RC3H1: variants seen among roughly 807,000 people sequenced by gnomAD.
RC3H1 encodes the protein ring finger and CCCH-type domains 1.
RC3H1 carries 50 observed loss-of-function variants against 138.2 expected under a neutral mutation model. That is an observed-to-expected ratio of 0.36 (90% CI 0.29 to 0.46). RC3H1 has a LOEUF of 0.46. RC3H1 is among the 20% of genes least tolerant of loss of function. The pLI, the probability that RC3H1 is intolerant of heterozygous loss-of-function variation, is 1.00. For synonymous variants in RC3H1, 462 were observed against 489.1 expected, an observed-to-expected ratio of 0.94 and a Z score of 0.73; for missense variants, 1,031 against 1,388.1, an observed-to-expected ratio of 0.74 and a Z score of 4.09.
chr1:173,943,688 C>G, intron 17 of RC3H1, 73 bp from the exon 18 acceptor site: 2 of 1,436,640 alleles, frequency 1.4e-6, no homozygotes, highest in South Asian at 2.9e-5. Flanking sequence ...AGGCTCAATT[C>G]CAGACCACAG....
chr1:173,973,190 G>T (rs1391227563), intron 7 of RC3H1, among the ~76,000 whole-genome samples: 2 of 152,150 alleles, frequency 1.3e-5, no homozygotes, highest in African/African-American at 4.8e-5. Flanking sequence ...TAGTCAATTT[G>T]CATGTTTATT....
chr1:173,995,603 T>C (rs958107500), intron 1 of RC3H1, among the ~76,000 whole-genome samples: 1 of 151,768 alleles, frequency 6.6e-6, no homozygotes, highest in East Asian at 1.9e-4. Context: ...TTCTAACTTA[T>C]ATGATGGTAT....
intron 1 of RC3H1, among the ~76,000 whole-genome samples, chr1:173,994,023 A>G (rs1256276974): frequency 1.9e-5 from 1 of 52,362 alleles, no homozygotes. Context: ...TCCATCTCAG[A>G]AAAAAAAAAA....
chr1:174,009,265 T>C (rs1436899205), intron 1 of RC3H1: 1 of 152,162 alleles, frequency 6.6e-6, no homozygotes, highest in Admixed American at 6.5e-5. Flanking sequence ...GTTAAGAACA[T>C]AGTTTGTCCT....
intron 1 of RC3H1, among the ~76,000 whole-genome samples, chr1:174,010,317 G>A (rs186353574): frequency 4.0e-5 from 6 of 151,744 alleles, no homozygotes; most frequent in African/African-American, 1.5e-4. Flanking sequence ...CATCTACTAC[G>A]TGCCAGTGTC....
chr1:173,981,577 T>C (rs552540241), intron 5 of RC3H1, among the ~76,000 whole-genome samples: 2 of 152,280 alleles, frequency 1.3e-5, no homozygotes, highest in South Asian at 2.1e-4. Context: ...AAAAACAATA[T>C]GTTTCTTCTC....
intron 1 of RC3H1, among the ~76,000 whole-genome samples, chr1:173,999,552 T>C (rs566973891): frequency 6.6e-6 from 1 of 152,220 alleles, no homozygotes; most frequent in South Asian, 2.1e-4. Flanking sequence ...AATAACTACA[T>C]ATTGTGAGCA....
rs1028056666 is a variant in RC3H1, at chr1:173,933,473, T to G, written c.*5248A>C. 1 of 152,154 alleles carries G rather than the reference T, an allele frequency of 6.6e-6. No individual in the cohort carries two copies. Among genetic ancestry groups the G allele is most frequent in the Non-Finnish European group, 1.5e-5 (1 of 67,982 alleles). 9.4% of individuals were successfully genotyped at this position (152,154 alleles called of 1,614,324 possible). Reference sequence around the variant, plus strand: ...CTTATCAATTATAATCTATTACTTGTGGAAAGATCTTTAGTGAACACAGAA... The same window carrying G: ...CTTATCAATTATAATCTATTACTTGGGGAAAGATCTTTAGTGAACACAGAA... On this transcript the variant is annotated 3_prime_UTR_variant, in exon 20 of 20. Coordinates refer to ENST00000367696, the MANE Select transcript of RC3H1 (RefSeq NM_172071.4).
At chr1:173,957,229 G>A (rs1401299121) in intron 13 of RC3H1, among the ~76,000 whole-genome samples, 2 of 152,024 alleles carry the variant, frequency 1.3e-5, no homozygotes, top group Admixed American at 6.6e-5. Flanking sequence ...TAATAAATAT[G>A]AATTATTTAC....
intron 13 of RC3H1, among the ~76,000 whole-genome samples, chr1:173,959,969 G>A (rs761236956): frequency 6.6e-5 from 10 of 151,570 alleles, no homozygotes; most frequent in South Asian, 6.2e-4. Context: ...ATAGTCGGGC[G>A]TGGTGGTGCG....
Position 173,947,610 on chromosome 1 carries a change from C to T in RC3H1, c.2524-28G>A, listed in dbSNP as rs114249959. ...GATAAAAAAGCAAAATGAGAAATTA[C>T]CCCACACTCAGATCGCTCTGTAACC... is the stretch of plus-strand genomic sequence containing the variant. On this transcript the variant is annotated intron_variant, in intron 14 of 19. Coordinates refer to ENST00000367696, the MANE Select transcript of RC3H1 (RefSeq NM_172071.4). 9 of 1,567,428 alleles carry T rather than the reference C, an allele frequency of 5.7e-6. No individual in the cohort carries two copies. In the African/African-American group the frequency reaches 9.4e-5, roughly 16 times the overall value.
At chr1:173,962,209 C>T in intron 11 of RC3H1, 114 bp from the exon 12 acceptor site, 2 of 1,041,790 alleles carry the variant, frequency 1.9e-6, no homozygotes, top group South Asian at 1.9e-5. Flanking sequence ...CTACTTATTT[C>T]TTTACGAGTT....
chr1:173,941,089 G>A (rs1658836438), intron 19 of RC3H1, among the ~76,000 whole-genome samples, 176 bp downstream of exon 19: 1 of 152,086 alleles, frequency 6.6e-6, no homozygotes, highest in Non-Finnish European at 1.5e-5. Flanking sequence ...CAAAATGCTG[G>A]ATTACAGGCG....
At chr1:173,939,691 C>T (rs376548620) in intron 19 of RC3H1, among the ~76,000 whole-genome samples, 22 of 151,684 alleles carry the variant, frequency 1.5e-4, no homozygotes, top group African/African-American at 4.4e-4. Flanking sequence ...AAAAACTAGC[C>T]GGGTGTGGTG....
intron 1 of RC3H1, among the ~76,000 whole-genome samples, chr1:174,001,100 T>C (rs1661557863): frequency 6.6e-6 from 1 of 152,052 alleles, no homozygotes; most frequent in Non-Finnish European, 1.5e-5. Context: ...GCTTGAAAAA[T>C]AGAACTTGAT....
At chr1:173,940,332 A>G (rs1228480510) in intron 19 of RC3H1, among the ~76,000 whole-genome samples, 3 of 152,046 alleles carry the variant, frequency 2.0e-5, no homozygotes, top group East Asian at 1.9e-4. Context: ...TTAGCCAGGC[A>G]TGGTGGTGCA....
intron 1 of RC3H1, among the ~76,000 whole-genome samples, chr1:174,014,837 T>C (rs1661831873): frequency 6.6e-6 from 1 of 152,210 alleles, no homozygotes; most frequent in Non-Finnish European, 1.5e-5. Context: ...TCTATTTTTT[T>C]TAGCGAGGTC....
intron 7 of RC3H1, among the ~76,000 whole-genome samples, chr1:173,976,133 G>C (rs1454503474): frequency 6.6e-6 from 1 of 151,640 alleles, no homozygotes; most frequent in Non-Finnish European, 1.5e-5. Flanking sequence ...AGCATTTCAA[G>C]GAAGAGAGAG....
intron 1 of RC3H1, among the ~76,000 whole-genome samples, chr1:174,007,751 T>C (rs1413530417): frequency 6.6e-6 from 1 of 152,162 alleles, no homozygotes; most frequent in Admixed American, 6.5e-5. Flanking sequence ...AGCCACCGCG[T>C]CCGGCCCACA....
Sources: allele counts gnomAD v4.1 joint callset (sites outside exome capture counted in the v4.1 genomes callset), GRCh38; gene constraint gnomAD v4.1.1; transcripts MANE v1.5; gene names NCBI Gene and HGNC (gene_info 2026-07-23, HGNC 2026-07-21).